Variants in AMMECR1 observed in about 807,000 individuals in gnomAD.
The protein encoded by AMMECR1 is AMMECR nuclear protein 1.
Under a neutral mutation model 22.5 loss-of-function variants are expected in AMMECR1, and 3 were observed. That is an observed-to-expected ratio of 0.13 (90% CI 0.06 to 0.35). AMMECR1 has a LOEUF of 0.35. Among genes scored for constraint, AMMECR1 ranks in the 10% least tolerant of loss-of-function variants. The probability of loss-of-function intolerance (pLI) is 1.00; values close to 1 mark genes in which losing one functional copy is unlikely to be tolerated. For synonymous variants in AMMECR1, 130 were observed against 116.7 expected, an observed-to-expected ratio of 1.11 and a Z score of -0.74; for missense variants, 235 against 278.7, an observed-to-expected ratio of 0.84 and a Z score of 1.12.
intron 2 of AMMECR1, among the ~76,000 whole-genome samples, chrX:110,232,126 G>A (rs2067570527): frequency 9.0e-6 from 1 of 110,829 alleles, no homozygotes; most frequent in South Asian, 3.9e-4. Context: ...AGGTTAACAA[G>A]GATACCCAGG....
chrX:110,417,828 T>C (rs147028735), intron 2 of AMMECR1, among the ~76,000 whole-genome samples: 1,138 of 112,428 alleles, frequency 0.01, 26 homozygotes, highest in Admixed American at 0.073. Context: ...TTGAGGCTGA[T>C]GTTGTTATCC....
chrX:110,332,914 A>G (rs938480574), intron 2 of AMMECR1, among the ~76,000 whole-genome samples: 3 of 111,654 alleles, frequency 2.7e-5, no homozygotes, highest in African/African-American at 9.8e-5. Flanking sequence ...GCTAAAGAAG[A>G]TACAAGATCT....
rs1391374813 is a variant in AMMECR1 at position 110,345,126 on chromosome X, A to C, written c.-147-27277T>G. Reference sequence around the variant, plus strand: ...TCCAACAATGATAGACTGGATTAAGAAAATGTGGCACATATACACCATGGA... The same window carrying C: ...TCCAACAATGATAGACTGGATTAAGCAAATGTGGCACATATACACCATGGA... On this transcript the variant is annotated intron_variant, in intron 2 of 7. Transcript: ENST00000372057. Among the ~76,000 whole-genome samples the C allele has an allele frequency of 2.7e-5, 3 of 112,470 alleles. No individual in the cohort carries two copies. The Admixed American group carries it at 2.8e-4, about 11-fold the overall frequency.
chrX:110,235,274 C>T (rs1405997118), intron 2 of AMMECR1, among the ~76,000 whole-genome samples: 1 of 112,350 alleles, frequency 8.9e-6, no homozygotes, highest in Admixed American at 9.4e-5. Flanking sequence ...ATCAAAACCA[C>T]AATGAGATAC....
intron 2 of AMMECR1, among the ~76,000 whole-genome samples, chrX:110,261,307 A>G (rs1179254706): frequency 4.5e-5 from 5 of 112,188 alleles, no homozygotes; most frequent in Non-Finnish European, 9.4e-5. Context: ...TTGAATTTTT[A>G]AAAAGATGCC....
chrX:110,307,570 T>C (rs1023202502), intron 1 of AMMECR1, among the ~76,000 whole-genome samples: 11 of 111,540 alleles, frequency 9.9e-5, no homozygotes, highest in African/African-American at 3.6e-4. Context: ...TTAATATAAA[T>C]ATACAGGCCT....
intron 1 of AMMECR1, among the ~76,000 whole-genome samples, chrX:110,306,064 G>A (rs1026647761): frequency 5.4e-5 from 6 of 110,904 alleles, no homozygotes; most frequent in Non-Finnish European, 9.4e-5. Flanking sequence ...GGCGGATCAC[G>A]AGGTCAGGAG....
chrX:110,288,330 T>C (rs2067891224), intron 1 of AMMECR1, among the ~76,000 whole-genome samples: 1 of 111,992 alleles, frequency 8.9e-6, no homozygotes, highest in African/African-American at 3.2e-5. Context: ...CACCCTCATA[T>C]ATCTTTACAG....
At chrX:110,404,835 T>A (rs1396958201) in intron 2 of AMMECR1, among the ~76,000 whole-genome samples, 1 of 111,793 alleles carries the variant, frequency 8.9e-6, no homozygotes, top group Non-Finnish European at 1.9e-5. Context: ...CGATTTTTCT[T>A]GGCATAAGTA....
At chrX:110,260,709 AG>A (rs977074367) in intron 2 of AMMECR1, among the ~76,000 whole-genome samples, 3 of 111,516 alleles carry the variant, frequency 2.7e-5, no homozygotes, top group African/African-American at 6.5e-5. Context: ...AAGAGGAAAA[AG>A]GGTACTCAAA....
chrX:110,334,067 A>G (rs2068131895), intron 2 of AMMECR1, among the ~76,000 whole-genome samples: 1 of 112,085 alleles, frequency 8.9e-6, no homozygotes, highest in Non-Finnish European at 1.9e-5. Flanking sequence ...CAGATATAAT[A>G]TTTAAAAATG....
At chrX:110,263,583 C>CT (rs1332484506) in intron 2 of AMMECR1, among the ~76,000 whole-genome samples, 1 of 111,882 alleles carries the variant, frequency 8.9e-6, no homozygotes, top group African/African-American at 3.2e-5. Flanking sequence ...TTACTTCATT[C>CT]TCCTAACACC....
intron 2 of AMMECR1, among the ~76,000 whole-genome samples, chrX:110,377,068 A>G (rs1013581382): frequency 9.0e-6 from 1 of 111,625 alleles, no homozygotes; most frequent in Admixed American, 9.5e-5. Context: ...ACTAGTAGAC[A>G]GTAATAACAA....
intron 2 of AMMECR1, among the ~76,000 whole-genome samples, chrX:110,239,368 G>A (rs1037898073): frequency 3.6e-5 from 4 of 110,670 alleles, no homozygotes; most frequent in African/African-American, 1.3e-4. Context: ...ACCTGATGGA[G>A]CTGAAAAACA....
chrX:110,355,061 G>T (rs892874499), intron 2 of AMMECR1, among the ~76,000 whole-genome samples: 2 of 112,064 alleles, frequency 1.8e-5, no homozygotes, highest in Non-Finnish European at 3.8e-5. Flanking sequence ...AGAGTGAAGG[G>T]ACAGCTCACA....
chrX:110,203,288 AAAC>A (rs2067406186), intron 3 of AMMECR1, among the ~76,000 whole-genome samples: 1 of 111,757 alleles, frequency 8.9e-6, no homozygotes, highest in Non-Finnish European at 1.9e-5. Context: ...TTTTAATGTA[AAAC>A]AAGCTTGTGG....
In AMMECR1 at chrX:110,267,115, T is replaced by C. The variant is rs778879540; in HGVS notation, c.474-2516A>G. Among the ~76,000 whole-genome samples, 5 of 111,888 alleles carry C rather than the reference T, an allele frequency of 4.5e-5. No individual in the cohort carries two copies. The East Asian group carries it at 1.4e-3, about 31-fold the overall frequency. ...GATGGACATTTGGGTTGGTCTGAAG[T>C]CTTTGCTATTGTGAATAGTGCTGCA... On this transcript the variant is annotated intron_variant, in intron 1 of 5. Coordinates refer to ENST00000262844, the MANE Select transcript of AMMECR1 (RefSeq NM_015365.3).
intron 2 of AMMECR1, among the ~76,000 whole-genome samples, chrX:110,218,545 C>G (rs2148172109): frequency 9.8e-6 from 1 of 102,070 alleles, no homozygotes; most frequent in South Asian, 4.8e-4. Context: ...TCCCCCCCGC[C>G]CCTAGTCCTG....
rs761748218 is a variant in AMMECR1, at chrX:110,348,092, A to G, written c.-147-30243T>C. ...GGTTACCTTTTTTTGGCATTTCTCA[A>G]TTATTTTGGCCCATTTCTCATCCAA... On this transcript the variant is annotated intron_variant, in intron 2 of 7. Transcript: ENST00000372057. 6.2e-5 allele frequency among the ~76,000 whole-genome samples: 7 copies of G among 112,133 alleles called. No individual in the cohort carries two copies. The East Asian group carries it at 1.7e-3, about 27-fold the overall frequency.
Sources: gnomAD v4.1 joint callset for allele counts (sites outside exome capture counted in the v4.1 genomes callset) on GRCh38, gnomAD v4.1.1 for gene constraint, MANE v1.5 for transcripts, NCBI Gene and HGNC (gene_info 2026-07-23, HGNC 2026-07-21) for gene names.